CARMIL2: variants seen among roughly 807,000 people sequenced by gnomAD.
The protein encoded by CARMIL2 is capping protein, Arp2/3 and myosin-I linker protein 2.
A neutral mutation model predicts 173.3 loss-of-function variants in CARMIL2; 96 were observed. That is an observed-to-expected ratio of 0.55 (90% CI 0.47 to 0.66). CARMIL2 has a LOEUF of 0.66. Ranked by LOEUF, CARMIL2 falls within the 30% of genes least tolerant of loss-of-function variation. The pLI is 0.00. For missense variants in CARMIL2, 1,771 were observed against 1,906.7 expected, an observed-to-expected ratio of 0.93 and a Z score of 1.33; for synonymous variants, 830 against 817.1, an observed-to-expected ratio of 1.02 and a Z score of -0.27.
Position 67,652,476 on chromosome 16 carries a change from A to ACCCCATT in CARMIL2, c.2823_2824insCCCATTC (p.Ser942ProfsTer10). On this transcript the variant is annotated frameshift_variant, in exon 28 of 38. Transcript: ENST00000334583. LOFTEE classifies it high-confidence loss of function. The surrounding 1 kb of genome is among the most constrained non-coding windows in gnomAD (Gnocchi z 4.7). ...AGTTTGTGCCCTCCCCACCAGGATG[A>ACCCCATT]CAGTCCTCCACAGAAATGGCCTGAG... 2 of 1,613,534 alleles carry ACCCCATT rather than the reference A, an allele frequency of 1.2e-6. No individual in the cohort carries two copies. Among genetic ancestry groups the ACCCCATT allele is most frequent in the Non-Finnish European group, 1.7e-6 (2 of 1,179,772 alleles).
At chr16:67,650,242 G>A in intron 22 of CARMIL2, 92 bp downstream of exon 22, 1 of 1,099,766 alleles carries the variant, frequency 9.1e-7, no homozygotes, top group Non-Finnish European at 1.3e-6. Flanking sequence ...TGACTTTCCT[G>A]GGGCCAGGGT....
chr16:67,650,535 A>T (rs907488791), intron 22 of CARMIL2: 1 of 257,514 alleles, frequency 3.9e-6, no homozygotes, highest in Non-Finnish European at 7.5e-6. Context: ...TATCTGTTGG[A>T]GATGTTTCTA....
chr16:67,645,981 TG>T, intron 3 of CARMIL2, 36 bp from the exon 4 acceptor site: 1 of 1,612,674 alleles, frequency 6.2e-7, no homozygotes, highest in Non-Finnish European at 8.5e-7. Flanking sequence ...AGGGCGGGGC[TG>T]GGGGCTTGGT....
At chr16:67,654,744 G>T (rs375782620) in intron 31 of CARMIL2, 34 bp from the exon 32 acceptor site, 2 of 1,611,682 alleles carry the variant, frequency 1.2e-6, no homozygotes, top group South Asian at 1.1e-5. Flanking sequence ...CCCAGGGCGC[G>T]GACTGTCTCC....
Position 67,656,268 on chromosome 16 carries a change from G to A in CARMIL2, c.3783G>A (p.Ser1261=), listed in dbSNP as rs770397804. The A allele has an allele frequency of 5.0e-6, 8 of 1,613,966 alleles. No homozygotes were observed. In the South Asian group the frequency reaches 8.8e-5, roughly 18 times the overall value. The change falls in exon 34 of 38, where the codon TCG becomes TCA. Residue 1261 remains serine, a synonymous_variant. Transcript: ENST00000334583. ...GTTCCACGGAGGCCCCTCCCATCTC[G>A]ATCAAGTCCCGCACCCACTCTGTGT... The part of the protein sequence containing the change: ...MDSSTEAPPI[S]IKSRTHSVSA...
Position 67,648,322 on chromosome 16 carries a change from G to A in CARMIL2, c.1334+8G>A. Reference sequence around the variant, plus strand: ...GAACGTCTTCTCCCGCACGTAAGGGGGACCTGTCGGGGCCGGGGGAGGCTG... The same window carrying A: ...GAACGTCTTCTCCCGCACGTAAGGGAGACCTGTCGGGGCCGGGGGAGGCTG... On this transcript the variant is annotated splice_region_variant and intron_variant, in intron 14 of 37. Coordinates refer to ENST00000334583, the MANE Select transcript of CARMIL2 (RefSeq NM_001013838.3). The surrounding 1 kb of genome is among the most constrained non-coding windows in gnomAD (Gnocchi z 6.1). The A allele has an allele frequency of 6.3e-7, 1 of 1,582,250 alleles. No homozygotes were observed. The highest frequency in any genetic ancestry group is 8.5e-7 in the Non-Finnish European group (1 of 1,172,306).
chr16:67,649,899 T>C lies in CARMIL2; in HGVS notation c.2013T>C (p.Pro671=). Residue 671 remains proline (P), a synonymous_variant, in exon 21 of 38, where the codon CCT becomes CCC. Coordinates refer to ENST00000334583, the MANE Select transcript of CARMIL2 (RefSeq NM_001013838.3). The surrounding 1 kb of genome is among the most constrained non-coding windows in gnomAD (Gnocchi z 6.7). ...LEQNHSLKAM[P]LPLNDVAQAQ... is the part of the protein sequence containing the mutation. ...AGAACCACAGCCTGAAGGCCATGCC[T>C]CTGCCACTGAACGACGTGGCCCAGG... The C allele has an allele frequency of 6.2e-7, 1 of 1,613,140 alleles. No homozygotes were observed. Among genetic ancestry groups the C allele is most frequent in the Non-Finnish European group, 8.5e-7 (1 of 1,179,836 alleles).
Position 67,656,031 on chromosome 16 carries a change from A to G in CARMIL2, c.3706A>G (p.Ser1236Gly), listed in dbSNP as rs2052845541. ...SGGAEGKRKQ[S>G]KDGEIKKAGS... ...AATCTGATTGCCCTGTTTCCTGCAGAGCAAAGATGGCGAGATCAAGAAAGC... is the reference window on the plus strand; with the variant it reads ...AATCTGATTGCCCTGTTTCCTGCAGGGCAAAGATGGCGAGATCAAGAAAGC... The change falls in exon 33 of 38, where the codon AGC becomes GGC. Residue 1236 changes from serine (S) to glycine (G), a missense_variant and splice_region_variant. Coordinates refer to ENST00000334583, the MANE Select transcript of CARMIL2 (RefSeq NM_001013838.3). 1.3e-6 allele frequency: 2 copies of G among 1,594,698 alleles called. No homozygotes were observed. The highest frequency in any genetic ancestry group is 2.3e-5 in the South Asian group (2 of 88,142).
rs373514915 is a variant in CARMIL2 at position 67,654,687 on chromosome 16, G to A, written c.3577G>A (p.Asp1193Asn). 17 of 1,592,830 alleles carry A rather than the reference G, an allele frequency of 1.1e-5. No individual in the cohort carries two copies. The South Asian group carries it at 1.6e-4, about 15-fold the overall frequency. ...EEEATLGARP[D>N]KRRPLERGET... ...GGAGGCAACGCTGGGTGCCAGACCC[G>A]ACAAGGTGAGGCTTGCTGATGGGGG... The change falls in exon 31 of 38, where the codon GAC becomes AAC. Residue 1193 changes from aspartate to asparagine, a missense_variant. Physicochemically the swap from Asp to Asn is conservative, Grantham distance 23 (BLOSUM62 1). Coordinates refer to ENST00000334583, the MANE Select transcript of CARMIL2 (RefSeq NM_001013838.3).
chr16:67,651,831 C>T lies in CARMIL2; in HGVS notation c.2574C>T (p.Ala858=), dbSNP rs2052729286. Residue 858 remains alanine (A), a synonymous_variant, in exon 25 of 38, where the codon GCC becomes GCT. Transcript: ENST00000334583. This position sits in a 1 kb window ranked among gnomAD's most constrained non-coding sequence, Gnocchi z 4.2. ...TCCCAGAGCAGCTGCTGCAAGATGC[C>T]TTCACTAGGCTCAGGTAGGCTGGAT... ...ELLPEQLLQD[A]FTRLRDMRLS... is the part of the protein sequence containing the mutation. 7.4e-6 allele frequency: 12 copies of T among 1,612,218 alleles called. No individual in the cohort carries two copies. The highest frequency in any genetic ancestry group is 1.3e-5 in the African/African-American group (1 of 74,908).
rs771349402 is a variant in CARMIL2 at position 67,649,954 on chromosome 16, C to G, written c.2068C>G (p.Arg690Gly). The G allele has an allele frequency of 2.5e-6, 4 of 1,613,326 alleles. No individual in the cohort carries two copies. Among genetic ancestry groups the G allele is most frequent in the Non-Finnish European group, 2.5e-6 (3 of 1,179,782 alleles). The change falls in exon 21 of 38, where the codon CGT becomes GGT. Residue 690 changes from arginine to glycine, a missense_variant. Around this residue, in one of 3 missense-constraint regions of CARMIL2, gnomAD observed 944 missense variants for 975.6 expected, o/e 0.97. Coordinates refer to ENST00000334583, the MANE Select transcript of CARMIL2 (RefSeq NM_001013838.3). This position sits in a 1 kb window ranked among gnomAD's most constrained non-coding sequence, Gnocchi z 6.7. ...GCGCAGCCGCCCGGAACTGACAGCA[C>G]GTGCAGTCCATCAGGTGGGCGTCCC... ...AQRSRPELTA[R>G]AVHQIQACLL...
At position 67,653,590 on chromosome 16, in the gene CARMIL2, C is replaced by G. The variant is rs1485688077; in HGVS notation, c.3120+336C>G. Reference sequence around the variant, plus strand: ...GAGAGATGCCGGGCAGCCGGGTAGCCGAGCCGCGGGGCCAAGCCTGCGTCT... The same window carrying G: ...GAGAGATGCCGGGCAGCCGGGTAGCGGAGCCGCGGGGCCAAGCCTGCGTCT... On this transcript the variant is annotated intron_variant, in intron 29 of 37. Coordinates refer to ENST00000334583, the MANE Select transcript of CARMIL2 (RefSeq NM_001013838.3). This position sits in a 1 kb window ranked among gnomAD's most constrained non-coding sequence, Gnocchi z 7.4. 6.6e-6 allele frequency among the ~76,000 whole-genome samples: 1 copy of G among 152,168 alleles called. No individual in the cohort carries two copies. Among genetic ancestry groups the G allele is most frequent in the Non-Finnish European group, 1.5e-5 (1 of 68,002 alleles).
chr16:67,647,044 T>C (rs1261993533), intron 8 of CARMIL2, 71 bp downstream of exon 8: 1 of 1,606,800 alleles, frequency 6.2e-7, no homozygotes, highest in African/African-American at 1.3e-5. Context: ...AGTTTCTCCA[T>C]GGAGGGGCTG....
rs776176494 is a variant in CARMIL2 at position 67,654,270 on chromosome 16, G to A, written c.3221+21G>A. 4.6e-5 allele frequency: 72 copies of A among 1,573,978 alleles called. No individual in the cohort carries two copies. The African/African-American group carries it at 9.6e-4, about 21-fold the overall frequency. ...CGCCTGTGAGTGAGGGGCATCTGCT[G>A]GGGGTGGGAGAGGGTGGGATGCCTG... is the stretch of plus-strand genomic sequence containing the variant. On this transcript the variant is annotated intron_variant, in intron 30 of 37. Coordinates refer to ENST00000334583, the MANE Select transcript of CARMIL2 (RefSeq NM_001013838.3).
chr16:67,647,579 C>A lies in CARMIL2; in HGVS notation c.848C>A (p.Ala283Glu), dbSNP rs774229324. The A allele has an allele frequency of 1.2e-6, 2 of 1,610,920 alleles. No individual in the cohort carries two copies. Among genetic ancestry groups the A allele is most frequent in the African/African-American group, 1.3e-5 (1 of 74,932 alleles). ...SSSGLRELSLAGNLLDDRGMT... is the reference protein window; with the variant it reads ...SSSGLRELSLEGNLLDDRGMT... ...TCTGGGCTGCGGGAGCTCAGCCTCGCGGGGAACCTGCTGGATGACCGAGGT... is the reference window on the plus strand; with the variant it reads ...TCTGGGCTGCGGGAGCTCAGCCTCGAGGGGAACCTGCTGGATGACCGAGGT... The change falls in exon 11 of 38, where the codon GCG (alanine) becomes GAG (glutamate). Residue 283 changes from alanine to glutamate, a missense_variant. Around this residue, in one of 3 missense-constraint regions of CARMIL2, gnomAD observed 944 missense variants for 975.6 expected, o/e 0.97. Transcript: ENST00000334583.
rs746140330 is a variant in CARMIL2, at chr16:67,648,093, C to G, written c.1113C>G (p.Phe371Leu). 6.2e-7 allele frequency: 1 copy of G among 1,613,032 alleles called. No homozygotes were observed. Among genetic ancestry groups the G allele is most frequent in the Admixed American group, 1.7e-5 (1 of 59,860 alleles). Reference sequence around the variant, plus strand: ...TGAGCCGTCCTAACGTACTGTCGTTCCTGAATCTCGCAGGCACCGACACTG... The same window carrying G: ...TGAGCCGTCCTAACGTACTGTCGTTGCTGAATCTCGCAGGCACCGACACTG... ...SFLSRPNVLS[F>L]LNLAGTDTAL... The change falls in exon 14 of 38, where the codon TTC (phenylalanine) becomes TTG (leucine). Residue 371 changes from phenylalanine to leucine, a missense_variant. By Grantham distance (22) the Phe-to-Leu change is conservative (BLOSUM62 0). This residue lies in a region of CARMIL2 where 944 missense variants were observed against 975.6 expected (regional missense o/e 0.97). Coordinates refer to ENST00000334583, the MANE Select transcript of CARMIL2 (RefSeq NM_001013838.3). This position sits in a 1 kb window ranked among gnomAD's most constrained non-coding sequence, Gnocchi z 6.1.
At chr16:67,655,891 G>A in intron 32 of CARMIL2, 140 bp from the exon 33 acceptor site, 1 of 843,600 alleles carries the variant, frequency 1.2e-6, no homozygotes, top group Admixed American at 2.8e-5. Flanking sequence ...AGAGTTCTAA[G>A]AGGGCTGTAC....
chr16:67,656,452 C>T lies in CARMIL2; in HGVS notation c.3843C>T (p.Ser1281=), dbSNP rs773471313. 2 of 1,610,126 alleles carry T rather than the reference C, an allele frequency of 1.2e-6. No homozygotes were observed. The highest frequency in any genetic ancestry group is 1.7e-6 in the Non-Finnish European group (2 of 1,177,874). ...CTTCCTGCAGACCTGGCCCAGGGAGCCAGGGGCCTGAGTCTGCCACCTGGA... is the reference window on the plus strand; with the variant it reads ...CTTCCTGCAGACCTGGCCCAGGGAGTCAGGGGCCTGAGTCTGCCACCTGGA... ...ADPSCRPGPG[S]QGPESATWKT... is the part of the protein sequence containing the mutation. The change falls in exon 35 of 38, where the codon AGC becomes AGT. Residue 1281 remains serine, a synonymous_variant. Transcript: ENST00000334583.
Position 67,646,092 on chromosome 16 carries a change from A to G in CARMIL2, c.249+12A>G, listed in dbSNP as rs1406175133. On this transcript the variant is annotated intron_variant, in intron 4 of 37. Coordinates refer to ENST00000334583, the MANE Select transcript of CARMIL2 (RefSeq NM_001013838.3). The surrounding 1 kb of genome is among the most constrained non-coding windows in gnomAD (Gnocchi z 4.6). ...AGACACCCCCTCAGGTGAGACACCT[A>G]GTACCCTACCTGGGCCTGCAGCCTG... 1.2e-6 allele frequency: 2 copies of G among 1,613,562 alleles called. No individual in the cohort carries two copies. The highest frequency in any genetic ancestry group is 3.3e-5 in the Admixed American group (2 of 60,010).
Sources: gnomAD v4.1 joint callset for allele counts (sites outside exome capture counted in the v4.1 genomes callset) on GRCh38, gnomAD v4.1.1 for gene constraint, gnomAD v4.1.1 regional missense constraint, Gnocchi (gnomAD v3.1) non-coding constraint, MANE v1.5 for transcripts, NCBI Gene and HGNC (gene_info 2026-07-23, HGNC 2026-07-21) for gene names.